Variants in PID1 observed in about 807,000 individuals in gnomAD.
The protein encoded by PID1 is phosphotyrosine interaction domain containing 1, also known as PTB-containing, cubilin and LRP1-interacting protein.
PID1 carries 10 observed loss-of-function variants against 19.1 expected under a neutral mutation model. The ratio of observed to expected loss-of-function variants is 0.52; its 90% CI spans 0.32 to 0.89. The LOEUF (loss-of-function observed/expected upper bound fraction) is 0.89. Ranked by LOEUF, PID1 falls within the 40% of genes least tolerant of loss-of-function variation. The pLI is 0.03. For missense variants in PID1, 248 were observed against 285.3 expected, an observed-to-expected ratio of 0.87 and a Z score of 0.94; for synonymous variants, 130 against 116.0, an observed-to-expected ratio of 1.12 and a Z score of -0.78.
intron 1 of PID1, among the ~76,000 whole-genome samples, chr2:229,216,695 G>GAA (rs1691854757): frequency 6.6e-6 from 1 of 152,070 alleles, no homozygotes; most frequent in Non-Finnish European, 1.5e-5. Context: ...ATATGAGGAG[G>GAA]AAATAAACCA....
intron 1 of PID1, among the ~76,000 whole-genome samples, chr2:229,242,017 G>C (rs974946784): frequency 7.0e-5 from 5 of 71,694 alleles, no homozygotes; most frequent in Admixed American, 2.2e-4. Context: ...CAGTGTTTTT[G>C]TTTTTGTTTT....
chr2:229,093,217 G>A lies in PID1; in HGVS notation c.177+62601C>T, dbSNP rs116365238. Among the ~76,000 whole-genome samples, 442 of 149,562 alleles carry A rather than the reference G, an allele frequency of 3.0e-3. 3 individuals are homozygous for A. Among genetic ancestry groups the A allele is most frequent in the African/African-American group, 0.01 (413 of 40,622 alleles). On this transcript the variant is annotated intron_variant, in intron 2 of 2. Coordinates refer to ENST00000392055, the MANE Select transcript of PID1 (RefSeq NM_001100818.2). The stretch of plus-strand genomic sequence containing the variant: ...GCACGATCTCAGCCACTCCACCTCC[G>A]GGTTCAAGTGGTTCTTGTGCCTCAG...
At chr2:229,182,426 T>A (rs1690965368) in intron 1 of PID1, among the ~76,000 whole-genome samples, 1 of 152,170 alleles carries the variant, frequency 6.6e-6, no homozygotes, top group South Asian at 2.1e-4. Context: ...AAAAAAAGCC[T>A]CCCTAGAACA....
chr2:229,044,028 C>T (rs73998522), intron 2 of PID1, among the ~76,000 whole-genome samples: 6 of 152,076 alleles, frequency 3.9e-5, no homozygotes, highest in South Asian at 2.1e-4. Context: ...ATACAGAAAC[C>T]GTGACTCACA....
At chr2:229,171,909 A>G (rs1559267935) in intron 1 of PID1, among the ~76,000 whole-genome samples, 1 of 152,180 alleles carries the variant, frequency 6.6e-6, no homozygotes, top group South Asian at 2.1e-4. Flanking sequence ...CTAAATCCAG[A>G]GTCAAATATC....
At chr2:229,249,499 C>T (rs867293117) in intron 1 of PID1, among the ~76,000 whole-genome samples, 11 of 152,158 alleles carry the variant, frequency 7.2e-5, no homozygotes, top group Non-Finnish European at 8.8e-5. Context: ...ATGGTGTTGC[C>T]GGCCTTGTAT....
At chr2:229,216,237 G>A (rs141677593) in intron 1 of PID1, among the ~76,000 whole-genome samples, 18 of 152,290 alleles carry the variant, frequency 1.2e-4, no homozygotes, top group African/African-American at 2.9e-4. Context: ...TGCTTGCCAC[G>A]TGGTCCCCCT....
chr2:229,200,512 G>T, intron 1 of PID1, among the ~76,000 whole-genome samples: 1 of 151,968 alleles, frequency 6.6e-6, no homozygotes, highest in East Asian at 1.9e-4. Flanking sequence ...TATATCCCAC[G>T]GTAGCATAAT....
chr2:229,236,560 C>A (rs1377607692), intron 1 of PID1: 4 of 152,240 alleles, frequency 2.6e-5, no homozygotes, highest in African/African-American at 9.6e-5. Flanking sequence ...ACTGAATAAA[C>A]CCTGGTTATC....
chr2:229,032,316 G>A (rs10933273), intron 2 of PID1, among the ~76,000 whole-genome samples: 24,433 of 152,196 alleles, frequency 0.16, 2,082 homozygotes, highest in Non-Finnish European at 0.19. Context: ...TCCTCCTTAT[G>A]AGTAAGAACA....
intron 2 of PID1, among the ~76,000 whole-genome samples, chr2:229,043,084 C>A (rs184992970): frequency 6.6e-6 from 1 of 151,484 alleles, no homozygotes; most frequent in African/African-American, 2.4e-5. Context: ...TGGATCACTG[C>A]CACCTCCAAT....
At chr2:229,061,884 T>C (rs1316547452) in intron 2 of PID1, among the ~76,000 whole-genome samples, 1 of 152,028 alleles carries the variant, frequency 6.6e-6, no homozygotes, top group Non-Finnish European at 1.5e-5. Flanking sequence ...TTTCTTAATT[T>C]CTTTTTCAGA....
chr2:229,119,726 C>A (rs1450204069), intron 2 of PID1, among the ~76,000 whole-genome samples: 9 of 152,178 alleles, frequency 5.9e-5, no homozygotes, highest in Admixed American at 5.9e-4. Context: ...AATACCTGAT[C>A]AAACGTTTGT....
chr2:229,081,751 A>C (rs1292605767), intron 2 of PID1, among the ~76,000 whole-genome samples: 2 of 152,234 alleles, frequency 1.3e-5, no homozygotes, highest in Non-Finnish European at 2.9e-5. Context: ...GCATGCCACA[A>C]AGAGTTAAAT....
At chr2:229,058,083 T>C (rs1372256968) in intron 2 of PID1, among the ~76,000 whole-genome samples, 1 of 152,178 alleles carries the variant, frequency 6.6e-6, no homozygotes, top group African/African-American at 2.4e-5. Flanking sequence ...AGAATAAATA[T>C]AATTTTCATG....
intron 2 of PID1, among the ~76,000 whole-genome samples, chr2:229,080,639 G>A (rs1694651486): frequency 6.6e-6 from 1 of 152,164 alleles, no homozygotes; most frequent in South Asian, 2.1e-4. Context: ...ATGTTCTCAA[G>A]GGCAGAAGTC....
chr2:229,127,210 G>A (rs907666014), intron 2 of PID1, among the ~76,000 whole-genome samples: 1 of 152,206 alleles, frequency 6.6e-6, no homozygotes, highest in Non-Finnish European at 1.5e-5. Context: ...AGAATTTGGG[G>A]ACTCCCCCTC....
intron 1 of PID1, among the ~76,000 whole-genome samples, chr2:229,173,654 A>C (rs923239462): frequency 6.6e-6 from 1 of 152,170 alleles, no homozygotes; most frequent in African/African-American, 2.4e-5. Flanking sequence ...TCCTGTTTCA[A>C]AATAAAAGGC....
At chr2:229,243,012 G>A (rs565442723) in intron 1 of PID1, among the ~76,000 whole-genome samples, 15 of 152,078 alleles carry the variant, frequency 9.9e-5, no homozygotes, top group South Asian at 2.1e-4. Context: ...CCATTCTCAC[G>A]TTGCTGATAA....
Sources: allele counts gnomAD v4.1 joint callset (sites outside exome capture counted in the v4.1 genomes callset), GRCh38; gene constraint gnomAD v4.1.1; transcripts MANE v1.5; gene names NCBI Gene and HGNC (gene_info 2026-07-23, HGNC 2026-07-21).